Variants in MCUR1 observed in about 807,000 individuals in gnomAD.
MCUR1 encodes MCU regulator 1.
Under a neutral mutation model 42.0 loss-of-function variants are expected in MCUR1, and 37 were observed. That is an observed-to-expected ratio of 0.88 (90% confidence interval 0.68 to 1.16). The LOEUF is 1.16. Ranked by LOEUF, MCUR1 falls within the 50% of genes most tolerant of loss-of-function variation. The probability of loss-of-function intolerance (pLI) is 0.00; values close to 1 mark genes in which losing one functional copy is unlikely to be tolerated. For missense variants in MCUR1, 469 were observed against 468.4 expected (o/e 1.00, Z -0.01); for synonymous variants, 229 against 196.2 (o/e 1.17, Z -1.40).
In MCUR1 at chr6:13,800,343, T is replaced by C. The variant is rs1186060909; in HGVS notation, c.781A>G (p.Met261Val). Residue 261 changes from methionine to valine, a missense_variant and splice_region_variant, in exon 5 of 9, where the codon ATG (methionine) becomes GTG (valine). By Grantham distance (21) the Met-to-Val change is conservative. Transcript: ENST00000379170. ...LELHQLKQQVMDEVIKVRTDT... is the reference protein window; with the variant it reads ...LELHQLKQQVVDEVIKVRTDT... ...ACAAACAGGAAAGTGAATCTTACCA[T>C]TACTTGTTGTTTTAACTGATGTAGT... 6.4e-7 allele frequency: 1 copy of C among 1,571,916 alleles called. No homozygotes were observed. The highest frequency in any genetic ancestry group is 8.7e-7 in the Non-Finnish European group (1 of 1,152,714).
chr6:13,814,545 A>G lies in MCUR1; in HGVS notation c.-116T>C. ...GAGCGAGCGTGGGCCACAGCGCAGGACCGCCCTTTCCTGCCGGGCGCGCGG... is the reference window on the plus strand; with the variant it reads ...GAGCGAGCGTGGGCCACAGCGCAGGGCCGCCCTTTCCTGCCGGGCGCGCGG... On this transcript the variant is annotated 5_prime_UTR_variant, in exon 1 of 9. Transcript: ENST00000379170. 1.1e-6 allele frequency: 1 copy of G among 915,802 alleles called. No homozygotes were observed. Among genetic ancestry groups the G allele is most frequent in the Non-Finnish European group, 1.3e-6 (1 of 758,842 alleles). 56.7% of individuals were successfully genotyped at this position (915,802 alleles called of 1,614,324 possible).
At position 13,790,278 on chromosome 6, in the gene MCUR1, A is replaced by G. The variant is rs72831079; in HGVS notation, c.*531T>C. On this transcript the variant is annotated 3_prime_UTR_variant, in exon 9 of 9. Transcript: ENST00000379170. ...TCCGGCTAAGTGGAATCTTCCATGC[A>G]CTGTGCACCACTCAGCTAGAAAGTC... 5,358 of 153,364 alleles carry G rather than the reference A, an allele frequency of 0.035. 144 individuals are homozygous for G. Among genetic ancestry groups the G allele is most frequent in the Middle Eastern group, 0.085 (25 of 294 alleles). The allele number at this position is 153,364 out of a possible 1,614,324, so 9.5% of individuals were successfully genotyped here.
intron 8 of MCUR1, 99 bp downstream of exon 8, chr6:13,791,779 G>A (rs1759732392): frequency 2.7e-6 from 2 of 731,238 alleles, no homozygotes; most frequent in South Asian, 3.9e-5. Flanking sequence ...AAATATTTCA[G>A]AAAGTGTTGG....
Position 13,814,171 on chromosome 6 carries a change from GGCGCGGGGCTGCGGCGGCCAA to G in MCUR1, c.238_258del (p.Leu80_Arg86del), listed in dbSNP as rs776512316. 1.3e-5 allele frequency: 18 copies of G among 1,333,794 alleles called. No individual in the cohort carries two copies. Among genetic ancestry groups the G allele is most frequent in the Admixed American group, 4.1e-5 (1 of 24,110 alleles). The allele number at this position is 1,333,794 out of a possible 1,614,324, so 82.6% of individuals were successfully genotyped here. ...GAGCGCTCCCAGTCCCCGAGCTGCC[GGCGCGGGGCTGCGGCGGCCAA>G]GCGCGGGGAGGGCACTAGCAGGAGG... On this transcript the variant is annotated inframe_deletion, in exon 1 of 9. Coordinates refer to ENST00000379170, the MANE Select transcript of MCUR1 (RefSeq NM_001031713.4).
Position 13,807,043 on chromosome 6 carries a change from C to T in MCUR1, c.417G>A (p.Glu139=), listed in dbSNP as rs772386336. 4 of 1,605,330 alleles carry T rather than the reference C, an allele frequency of 2.5e-6. No homozygotes were observed. Among genetic ancestry groups the T allele is most frequent in the Admixed American group, 3.4e-5 (2 of 58,812 alleles). Residue 139 remains glutamate, a splice_region_variant and synonymous_variant, in exon 2 of 9, where the codon GAG becomes GAA. Coordinates refer to ENST00000379170, the MANE Select transcript of MCUR1 (RefSeq NM_001031713.4). ...GCAGGGATCCAGCAGACAAGCTTAGCTCTAGGGTGGAAAGGACAGTAAGCT... is the reference window on the plus strand; with the variant it reads ...GCAGGGATCCAGCAGACAAGCTTAGTTCTAGGGTGGAAAGGACAGTAAGCT... The part of the protein sequence containing the change: ...PAPALVSCRR[E]LSLSAGSLQL...
chr6:13,799,831 T>C lies in MCUR1; in HGVS notation c.783+510A>G, dbSNP rs987550197. 2.5e-4 allele frequency among the ~76,000 whole-genome samples: 28 copies of C among 112,454 alleles called. 1 individual carries two copies. The highest frequency in any genetic ancestry group is 4.3e-3 in the Middle Eastern group (1 of 232). 73.8% of individuals were successfully genotyped at this position (112,454 alleles called of 152,430 possible). A position where few individuals can be genotyped will look rare whatever the true frequency, so the allele number is the denominator to read the frequency against. ...TTCCTCCTAGAACACAATTTTCTTT[T>C]TTTTTTTTTTTTTTTTTTTGAGACA... On this transcript the variant is annotated intron_variant, in intron 5 of 8. Transcript: ENST00000379170.
chr6:13,809,378 T>A (rs1198769807), intron 1 of MCUR1, among the ~76,000 whole-genome samples: 5 of 152,218 alleles, frequency 3.3e-5, no homozygotes, highest in African/African-American at 1.2e-4. Flanking sequence ...ATAAGAGATA[T>A]CGGTCAATAG....
chr6:13,802,164 A>G, intron 3 of MCUR1, 79 bp downstream of exon 3: 1 of 1,198,280 alleles, frequency 8.3e-7, no homozygotes, highest in Non-Finnish European at 1.2e-6. Context: ...TATTATCCAA[A>G]AAATTATATT....
At chr6:13,798,573 A>G (rs1759908964) in intron 6 of MCUR1, among the ~76,000 whole-genome samples, 1 of 152,186 alleles carries the variant, frequency 6.6e-6, no homozygotes, top group Non-Finnish European at 1.5e-5. Flanking sequence ...ATGAATCTCT[A>G]TGTAACATAT....
intron 2 of MCUR1, among the ~76,000 whole-genome samples, chr6:13,803,249 T>A (rs1005661528): frequency 6.6e-6 from 1 of 152,216 alleles, no homozygotes. Flanking sequence ...TCAGTAGAGA[T>A]GAAGTTTCTC....
At chr6:13,797,867 T>C (rs1201055030) in intron 6 of MCUR1, among the ~76,000 whole-genome samples, 1 of 149,636 alleles carries the variant, frequency 6.7e-6, no homozygotes, top group Non-Finnish European at 1.5e-5. Flanking sequence ...CTACTAAAAA[T>C]ATAAAAACTA....
At chr6:13,807,319 A>G (rs1760133077) in intron 1 of MCUR1, among the ~76,000 whole-genome samples, 1 of 152,078 alleles carries the variant, frequency 6.6e-6, no homozygotes, top group Non-Finnish European at 1.5e-5. Context: ...GCCCTTCTCA[A>G]CTGCCCCCAA....
rs3734669 is a variant in MCUR1, at chr6:13,790,070, T to G, written c.*739A>C. 99,835 of 152,100 alleles carry G rather than the reference T, an allele frequency of 0.66. 33,246 individuals are homozygous for G. Among genetic ancestry groups the G allele is most frequent in the African/African-American group, 0.76 (31,546 of 41,506 alleles). The allele number at this position is 152,100 out of a possible 1,614,324, so 9.4% of individuals were successfully genotyped here. On this transcript the variant is annotated 3_prime_UTR_variant, in exon 9 of 9. Transcript: ENST00000379170. The stretch of plus-strand genomic sequence containing the variant: ...GGGACTAGCTCATGTTAAAGACTGG[T>G]TATTTAGGTAAAGAGGATCTGGTGC...
chr6:13,810,258 T>C (rs1010413406), intron 1 of MCUR1, among the ~76,000 whole-genome samples: 1 of 152,134 alleles, frequency 6.6e-6, no homozygotes, highest in Admixed American at 6.5e-5. Flanking sequence ...CAATTTTTAA[T>C]TGTGTCATGA....
chr6:13,807,008 C>A lies in MCUR1; in HGVS notation c.452G>T (p.Arg151Leu), dbSNP rs762334997. 1 of 1,613,222 alleles carries A rather than the reference C, an allele frequency of 6.2e-7. No homozygotes were observed. Among genetic ancestry groups the A allele is most frequent in the Non-Finnish European group, 8.5e-7 (1 of 1,179,398 alleles). Residue 151 changes from arginine to leucine, a missense_variant, in exon 2 of 9, where the codon CGC becomes CTC. Physicochemically the swap from Arg to Leu is moderately radical, Grantham distance 102 (BLOSUM62 -2). Transcript: ENST00000379170. ...SLSAGSLQLERKRRDFTSSGS... is the reference protein window; with the variant it reads ...SLSAGSLQLELKRRDFTSSGS... ...AGAAGAGGTGAAATCTCTCCTTTTGCGCTCCAGCTGCAGGGATCCAGCAGA... is the reference window on the plus strand; with the variant it reads ...AGAAGAGGTGAAATCTCTCCTTTTGAGCTCCAGCTGCAGGGATCCAGCAGA...
rs143949364 is a variant in MCUR1, at chr6:13,793,338, T to C, written c.909+556A>G. Among the ~76,000 whole-genome samples the C allele has an allele frequency of 2.5e-3, 380 of 152,216 alleles. 1 individual carries two copies. The highest frequency in any genetic ancestry group is 4.4e-3 in the Non-Finnish European group (301 of 68,002). On this transcript the variant is annotated intron_variant, in intron 7 of 8. Coordinates refer to ENST00000379170, the MANE Select transcript of MCUR1 (RefSeq NM_001031713.4). ...TGCACCCATGCCCACAGCAGCACTA[T>C]TCACAAAGGCCAACGGGTGGAAGCA...
intron 2 of MCUR1, among the ~76,000 whole-genome samples, chr6:13,805,315 C>G (rs535293369): frequency 5.3e-5 from 8 of 152,252 alleles, no homozygotes; most frequent in African/African-American, 1.9e-4. Context: ...TTTACATGCT[C>G]CCTTCTCGCT....
Position 13,787,049 on chromosome 6 carries a change from T to C in MCUR1, c.*3760A>G, listed in dbSNP as rs1316763854. On this transcript the variant is annotated 3_prime_UTR_variant, in exon 9 of 9. Transcript: ENST00000379170. ...ATATGAATTCTATATACCATCTCTA[T>C]ATTTGTTTAGAATTTTGCAAAATTC... The C allele has an allele frequency of 6.6e-6, 1 of 152,184 alleles. No homozygotes were observed. 9.4% of individuals were successfully genotyped at this position (152,184 alleles called of 1,614,324 possible).
chr6:13,806,104 A>G (rs768645553), intron 2 of MCUR1, among the ~76,000 whole-genome samples: 1 of 151,968 alleles, frequency 6.6e-6, no homozygotes, highest in Non-Finnish European at 1.5e-5. Flanking sequence ...AAACACAAAA[A>G]TTAGCTGGGC....
Sources: gnomAD v4.1 joint callset for allele counts (sites outside exome capture counted in the v4.1 genomes callset) on GRCh38, gnomAD v4.1.1 for gene constraint, MANE v1.5 for transcripts, NCBI Gene and HGNC (gene_info 2026-07-23, HGNC 2026-07-21) for gene names.